RPS6KA2: variants seen among roughly 807,000 people sequenced by gnomAD.
RPS6KA2 encodes the protein ribosomal protein S6 kinase A2.
A neutral mutation model predicts 91.8 loss-of-function variants in RPS6KA2; 42 were observed. The observed-to-expected ratio is 0.46, with a 90% CI of 0.36 to 0.59. The LOEUF is 0.59. Among genes scored for constraint, RPS6KA2 ranks in the 20% least tolerant of loss-of-function variants. The pLI, the probability that RPS6KA2 is intolerant of heterozygous loss-of-function variation, is 0.00. For synonymous variants in RPS6KA2, 414 were observed against 393.6 expected (o/e 1.05, Z -0.61); for missense variants, 798 against 978.5 (o/e 0.82, Z 2.46).
At chr6:166,621,246 TG>T (rs1786617912) in intron 1 of RPS6KA2, among the ~76,000 whole-genome samples, 1 of 152,254 alleles carries the variant, frequency 6.6e-6, no homozygotes, top group Admixed American at 6.5e-5. Flanking sequence ...ACACTGCTTC[TG>T]GCCTGCTTGG....
chr6:166,550,798 C>T lies in RPS6KA2; in HGVS notation c.100-12014G>A, dbSNP rs185615762. On this transcript the variant is annotated intron_variant, in intron 1 of 20. Transcript: ENST00000265678. ...CGGTCAGATCACAAGGTCAGGAGAT[C>T]GACACCATCCTGGCTAACACGGTGA... 8.3e-3 allele frequency among the ~76,000 whole-genome samples: 1,266 copies of T among 152,032 alleles called. 11 individuals are homozygous for T. The highest frequency in any genetic ancestry group is 0.011 in the Non-Finnish European group (766 of 67,960).
intron 2 of RPS6KA2, among the ~76,000 whole-genome samples, chr6:166,669,572 C>T (rs1035414104): frequency 2.0e-5 from 3 of 152,172 alleles, no homozygotes; most frequent in South Asian, 2.1e-4. Flanking sequence ...GGCCCAGCAC[C>T]GTTGGCTGCA....
intron 1 of RPS6KA2, among the ~76,000 whole-genome samples, chr6:166,547,992 A>G (rs1783883276): frequency 6.6e-6 from 1 of 152,262 alleles, no homozygotes; most frequent in African/African-American, 2.4e-5. Flanking sequence ...TATTTATAAC[A>G]GTGAAGAAAT....
At chr6:166,769,352 C>A (rs2128606183) in intron 2 of RPS6KA2, among the ~76,000 whole-genome samples, 1 of 152,252 alleles carries the variant, frequency 6.6e-6, no homozygotes, top group South Asian at 2.1e-4. Flanking sequence ...CAGCTTGACT[C>A]TTTTTTTCTT....
chr6:166,457,292 C>G lies in RPS6KA2; in HGVS notation c.1075+2157G>C, dbSNP rs182288399. Among the ~76,000 whole-genome samples, 197 of 152,316 alleles carry G rather than the reference C, an allele frequency of 1.3e-3. 1 individual carries two copies. Among genetic ancestry groups the G allele is most frequent in the African/African-American group, 4.4e-3 (184 of 41,566 alleles). On this transcript the variant is annotated intron_variant, in intron 12 of 20. Coordinates refer to ENST00000265678, the MANE Select transcript of RPS6KA2 (RefSeq NM_021135.6). ...ATGACTTGCTTGGGTGACCTGTGGG[C>G]AGGGGCAGGAGGGAATCCCCAAATC... is the stretch of plus-strand genomic sequence containing the variant.
intron 1 of RPS6KA2, among the ~76,000 whole-genome samples, chr6:166,553,579 GA>G (rs1480083914): frequency 6.6e-6 from 1 of 150,900 alleles, no homozygotes; most frequent in African/African-American, 2.4e-5. Context: ...GGCAGAGTGG[GA>G]AGGACTCAGA....
chr6:166,805,946 C>G (rs1208815377), intron 2 of RPS6KA2, among the ~76,000 whole-genome samples: 1 of 152,032 alleles, frequency 6.6e-6, no homozygotes, highest in African/African-American at 2.4e-5. Context: ...AAAATAAAAC[C>G]TGGACCTGAA....
chr6:166,602,823 A>G (rs993605046), intron 1 of RPS6KA2, among the ~76,000 whole-genome samples: 8 of 152,226 alleles, frequency 5.3e-5, no homozygotes, highest in Non-Finnish European at 8.8e-5. Flanking sequence ...AGCTGAATTT[A>G]TGGGTGCAAA....
intron 2 of RPS6KA2, among the ~76,000 whole-genome samples, chr6:166,762,057 A>G (rs368225744): frequency 1.3e-5 from 2 of 152,320 alleles, no homozygotes; most frequent in African/African-American, 2.4e-5. Flanking sequence ...AGCAGGCTCT[A>G]TCACGTGGAG....
At chr6:166,482,519 C>T (rs954063047) in intron 10 of RPS6KA2, among the ~76,000 whole-genome samples, 6 of 152,184 alleles carry the variant, frequency 3.9e-5, no homozygotes, top group African/African-American at 1.4e-4. Context: ...AAATAGTTTT[C>T]TAAATAGTTT....
At chr6:166,797,084 C>T (rs1779245422) in intron 2 of RPS6KA2, among the ~76,000 whole-genome samples, 1 of 152,232 alleles carries the variant, frequency 6.6e-6, no homozygotes, top group Admixed American at 6.5e-5. Flanking sequence ...GGTCTGAGCA[C>T]AGCTGAGGAT....
intron 10 of RPS6KA2, among the ~76,000 whole-genome samples, chr6:166,471,156 C>T (rs1052642740): frequency 6.6e-6 from 1 of 152,246 alleles, no homozygotes; most frequent in Non-Finnish European, 1.5e-5. Flanking sequence ...TGGAGCCCCC[C>T]TCATGTCCAG....
Position 166,550,870 on chromosome 6 carries a change from G to A in RPS6KA2, c.100-12086C>T, listed in dbSNP as rs574887326. Among the ~76,000 whole-genome samples the A allele has an allele frequency of 2.1e-4, 32 of 151,690 alleles. No individual in the cohort carries two copies. In the South Asian group the frequency reaches 4.4e-3, roughly 21 times the overall value. On this transcript the variant is annotated intron_variant, in intron 1 of 20. Coordinates refer to ENST00000265678, the MANE Select transcript of RPS6KA2 (RefSeq NM_021135.6). ...CAAAAAATTAGCCAGGCGTGGTGGC[G>A]GGCGCCTGTAGTCCCAGCTACTCGG...
At chr6:166,651,050 G>A (rs1317303897) in intron 2 of RPS6KA2, among the ~76,000 whole-genome samples, 2 of 152,190 alleles carry the variant, frequency 1.3e-5, no homozygotes. Flanking sequence ...CCCAGACCCT[G>A]CCTGTCCAGC....
intron 2 of RPS6KA2, among the ~76,000 whole-genome samples, chr6:166,822,218 T>C (rs1455318376): frequency 6.6e-6 from 1 of 152,230 alleles, no homozygotes; most frequent in Non-Finnish European, 1.5e-5. Flanking sequence ...CCTGCAAACT[T>C]CCTGCATTGA....
rs1787732402 is a variant in RPS6KA2 at position 166,648,268 on chromosome 6, A to G, written c.124-109484T>C. Reference sequence around the variant, plus strand: ...CACACAGGCACACACACTCATGTTCATACACACGCATGCACACAGTATGCA... The same window carrying G: ...CACACAGGCACACACACTCATGTTCGTACACACGCATGCACACAGTATGCA... On this transcript the variant is annotated intron_variant, in intron 2 of 21. Coordinates refer to the RPS6KA2 transcript ENST00000503859. This position sits in a 1 kb window ranked among gnomAD's most constrained non-coding sequence, Gnocchi z 4.8. Among the ~76,000 whole-genome samples the G allele has an allele frequency of 6.6e-6, 1 of 151,064 alleles. No individual in the cohort carries two copies. The highest frequency in any genetic ancestry group is 1.5e-5 in the Non-Finnish European group (1 of 67,802).
chr6:166,468,709 A>T (rs6903548), intron 11 of RPS6KA2, among the ~76,000 whole-genome samples: 77,419 of 151,432 alleles, frequency 0.51, 20,341 homozygotes, highest in African/African-American at 0.63. Context: ...TAAAAATATA[A>T]AAAAAATTAG....
chr6:166,838,636 C>T (rs999766382), intron 2 of RPS6KA2, among the ~76,000 whole-genome samples: 1 of 152,206 alleles, frequency 6.6e-6, no homozygotes, highest in Non-Finnish European at 1.5e-5. Flanking sequence ...CATGTCCCTA[C>T]GTGTCATTAA....
rs932079302 is a variant in RPS6KA2 at position 166,418,655 on chromosome 6, C to T, written c.1821-313G>A. Reference sequence around the variant, plus strand: ...GAGTTGCCTGGTGCCGTGGTTTCCACGGTGATGGTGTGGCATCATGCGAGA... The same window carrying T: ...GAGTTGCCTGGTGCCGTGGTTTCCATGGTGATGGTGTGGCATCATGCGAGA... On this transcript the variant is annotated intron_variant, in intron 18 of 20. Transcript: ENST00000265678. The surrounding 1 kb of genome is among the most constrained non-coding windows in gnomAD (Gnocchi z 4.9). Among the ~76,000 whole-genome samples, 8 of 152,226 alleles carry T rather than the reference C, an allele frequency of 5.3e-5. No homozygotes were observed. Among genetic ancestry groups the T allele is most frequent in the Non-Finnish European group, 8.8e-5 (6 of 68,046 alleles).
Sources: gnomAD v4.1 joint callset for allele counts (sites outside exome capture counted in the v4.1 genomes callset) on GRCh38, gnomAD v4.1.1 for gene constraint, Gnocchi (gnomAD v3.1) non-coding constraint, MANE v1.5 for transcripts, NCBI Gene and HGNC (gene_info 2026-07-23, HGNC 2026-07-21) for gene names.